Variants in PADI6 observed in about 807,000 individuals in gnomAD.
PADI6 encodes inactive protein-arginine deiminase type-6.
Under a neutral mutation model 78.2 loss-of-function variants are expected in PADI6, and 66 were observed. That is an observed-to-expected ratio of 0.84 (90% CI 0.69 to 1.04). The LOEUF is 1.04. Ranked by LOEUF, PADI6 falls within the 50% of genes least tolerant of loss-of-function variation. The pLI, the probability that PADI6 is intolerant of heterozygous loss-of-function variation, is 0.00. For synonymous variants in PADI6, 397 were observed against 346.9 expected, an observed-to-expected ratio of 1.14 and a Z score of -1.60; for missense variants, 854 against 866.1, an observed-to-expected ratio of 0.99 and a Z score of 0.18.
chr1:17,400,514 GTTTGTTTGTT>G (rs1398746527), intron 15 of PADI6, among the ~76,000 whole-genome samples: 1 of 131,498 alleles, frequency 7.6e-6, no homozygotes, highest in Non-Finnish European at 1.7e-5. Flanking sequence ...TTGTTTTTTT[GTTTGTTTGTT>G]TTTGTTTTTT....
intron 5 of PADI6, among the ~76,000 whole-genome samples, 193 bp downstream of exon 5, chr1:17,381,357 A>G (rs1225208034): frequency 6.6e-6 from 1 of 152,116 alleles, no homozygotes; most frequent in East Asian, 1.9e-4. Context: ...ACATAGCCCC[A>G]TGCAAAGAGC....
intron 15 of PADI6, among the ~76,000 whole-genome samples, chr1:17,400,513 TGTTTGTTTG>T (rs1170123734): frequency 7.6e-6 from 1 of 131,548 alleles, no homozygotes; most frequent in African/African-American, 3.0e-5. Context: ...TTTGTTTTTT[TGTTTGTTTG>T]TTTTTGTTTT....
Position 17,372,249 on chromosome 1 carries a change from G to T in PADI6, c.4G>T (p.Val2Phe). Residue 2 changes from valine (V) to phenylalanine (F), a missense_variant, in exon 1 of 16, where the codon GTC (valine) becomes TTC (phenylalanine). Transcript: ENST00000619609. ...GGGCTGCGGTGCAGGCCTGAGGATGGTCAGCGTGGAGGGCCGAGCCATGTC... is the reference window on the plus strand; with the variant it reads ...GGGCTGCGGTGCAGGCCTGAGGATGTTCAGCGTGGAGGGCCGAGCCATGTC... M[V>F]SVEGRAMSFQ... is the part of the protein sequence containing the mutation. 1 of 1,613,928 alleles carries T rather than the reference G, an allele frequency of 6.2e-7. No individual in the cohort carries two copies. The highest frequency in any genetic ancestry group is 8.5e-7 in the Non-Finnish European group (1 of 1,179,820).
chr1:17,384,559 T>C (rs1399232784), intron 6 of PADI6, among the ~76,000 whole-genome samples: 4 of 152,176 alleles, frequency 2.6e-5, no homozygotes, highest in Non-Finnish European at 5.9e-5. Flanking sequence ...CTGGCCAACA[T>C]GGTTAAAACC....
chr1:17,384,705 C>T (rs961465200), intron 6 of PADI6, among the ~76,000 whole-genome samples: 21 of 152,200 alleles, frequency 1.4e-4, no homozygotes, highest in Non-Finnish European at 2.9e-4. Flanking sequence ...CACCACTGCA[C>T]TCCAGTCTGG....
intron 1 of PADI6, 82 bp downstream of exon 1, chr1:17,372,443 G>A: frequency 1.5e-6 from 2 of 1,307,382 alleles, no homozygotes; most frequent in Non-Finnish European, 2.2e-6. Flanking sequence ...TCTGGGAGTT[G>A]GGGGTTACTT....
chr1:17,384,945 C>T (rs946966633), intron 6 of PADI6, among the ~76,000 whole-genome samples: 4 of 152,158 alleles, frequency 2.6e-5, no homozygotes, highest in Non-Finnish European at 5.9e-5. Context: ...CGCAGTCGAG[C>T]GTGTCTGAAG....
chr1:17,382,982 C>T (rs1269793161), intron 6 of PADI6, among the ~76,000 whole-genome samples: 1 of 152,184 alleles, frequency 6.6e-6, no homozygotes, highest in Non-Finnish European at 1.5e-5. Context: ...GACGGGGTCT[C>T]ACTTTGCCCA....
chr1:17,375,981 T>G lies in PADI6; in HGVS notation c.367+482T>G, dbSNP rs1258262600. On this transcript the variant is annotated intron_variant, in intron 3 of 15. Transcript: ENST00000619609. Reference sequence around the variant, plus strand: ...ACAAGCTCTATAACATCTACTTTTTTTTTCTTTTTTTTCTGAGATGAGTCT... The same window carrying G: ...ACAAGCTCTATAACATCTACTTTTTGTTTCTTTTTTTTCTGAGATGAGTCT... 3.3e-5 allele frequency among the ~76,000 whole-genome samples: 5 copies of G among 151,820 alleles called. No individual in the cohort carries two copies. The East Asian group carries it at 9.6e-4, about 29-fold the overall frequency.
Position 17,373,242 on chromosome 1 carries a change from C to T in PADI6, c.294+9C>T, listed in dbSNP as rs371599533. 19 of 1,612,772 alleles carry T rather than the reference C, an allele frequency of 1.2e-5. No individual in the cohort carries two copies. The highest frequency in any genetic ancestry group is 1.6e-5 in the Non-Finnish European group (19 of 1,179,114). ...CCGTGGATGCGGATAAGGTAAGCCT[C>T]AGGGGAAGAGGTGAGGGGCATCTCC... On this transcript the variant is annotated intron_variant, in intron 2 of 15. Coordinates refer to ENST00000619609, the MANE Select transcript of PADI6 (RefSeq NM_207421.4).
At position 17,379,949 on chromosome 1, in the gene PADI6, A is replaced by G. The variant is rs1209407651; in HGVS notation, c.397A>G (p.Asn133Asp). 1.2e-6 allele frequency: 2 copies of G among 1,613,474 alleles called. No homozygotes were observed. The highest frequency in any genetic ancestry group is 1.7e-6 in the Non-Finnish European group (2 of 1,179,616). ...CTCTCTAGAGGTAGACATCTACCGC[A>G]ATGGGCAAGTTGAGATGTCAAGTGA... ...EVSLEVDIYR[N>D]GQVEMSSDKQ... Residue 133 changes from asparagine to aspartate, a missense_variant, in exon 4 of 16, where the codon AAT (asparagine) becomes GAT (aspartate). Transcript: ENST00000619609.
chr1:17,396,980 C>CTA, intron 13 of PADI6, 91 bp from the exon 14 acceptor site: 1 of 1,250,524 alleles, frequency 8.0e-7, no homozygotes, highest in Non-Finnish European at 1.2e-6. Flanking sequence ...AGGAATGCAC[C>CTA]CAGGTGGCTG....
intron 6 of PADI6, among the ~76,000 whole-genome samples, chr1:17,383,601 A>G (rs939538909): frequency 6.6e-6 from 1 of 152,214 alleles, no homozygotes; most frequent in Non-Finnish European, 1.5e-5. Flanking sequence ...TAATCCCAAC[A>G]TTTTGGGAGG....
intron 3 of PADI6, among the ~76,000 whole-genome samples, chr1:17,379,537 G>A (rs1218119169): frequency 2.0e-5 from 3 of 152,190 alleles, no homozygotes; most frequent in African/African-American, 7.2e-5. Flanking sequence ...TTATAGGAGT[G>A]AGCCACTGTG....
rs1023406728 is a variant in PADI6 at position 17,376,668 on chromosome 1, G to A, written c.367+1169G>A. Among the ~76,000 whole-genome samples, 3 of 151,892 alleles carry A rather than the reference G, an allele frequency of 2.0e-5. No individual in the cohort carries two copies. The East Asian group carries it at 5.8e-4, about 29-fold the overall frequency. On this transcript the variant is annotated intron_variant, in intron 3 of 15. Coordinates refer to ENST00000619609, the MANE Select transcript of PADI6 (RefSeq NM_207421.4). ...CCACCTCAGCCTCCCAGAGTGTTGG[G>A]ATTACAGGCGTGAGCCACTGTGCTG...
intron 3 of PADI6, among the ~76,000 whole-genome samples, chr1:17,377,929 C>T (rs1223216694): frequency 2.0e-5 from 3 of 152,120 alleles, no homozygotes; most frequent in Non-Finnish European, 2.9e-5. Flanking sequence ...AAGCCAAAGT[C>T]GCTGCCCACG....
chr1:17,398,572 T>TG, intron 14 of PADI6, 114 bp from the exon 15 acceptor site: 1 of 646,482 alleles, frequency 1.5e-6, no homozygotes, highest in South Asian at 1.9e-5. Context: ...GTGATGGGGA[T>TG]GGTAGTGGTG....
chr1:17,375,912 C>T (rs985365662), intron 3 of PADI6, among the ~76,000 whole-genome samples: 12 of 152,058 alleles, frequency 7.9e-5, no homozygotes, highest in South Asian at 2.1e-4. Context: ...TGTAAGAAGC[C>T]GCCACCCTTC....
chr1:17,383,273 C>T (rs976894797), intron 6 of PADI6, among the ~76,000 whole-genome samples: 1 of 152,198 alleles, frequency 6.6e-6, no homozygotes, highest in African/African-American at 2.4e-5. Context: ...CTTCTGCAGA[C>T]CATAGATCTC....
Sources: allele counts gnomAD v4.1 joint callset (sites outside exome capture counted in the v4.1 genomes callset), GRCh38; gene constraint gnomAD v4.1.1; transcripts MANE v1.5; gene names NCBI Gene and HGNC (gene_info 2026-07-23, HGNC 2026-07-21).